The following CEP170 variants were observed in gnomAD, a reference collection of about 807,000 sequenced individuals.
The protein encoded by CEP170 is centrosomal protein of 170 kDa.
CEP170 carries 21 observed loss-of-function variants against 151.9 expected under a neutral mutation model. That is an observed-to-expected ratio of 0.14 (90% CI 0.10 to 0.20). The LOEUF (loss-of-function observed/expected upper bound fraction) is 0.20. CEP170 is among the 10% of genes least tolerant of loss of function. The pLI, the probability that CEP170 is intolerant of heterozygous loss-of-function variation, is 1.00. For missense variants in CEP170, 964 were observed against 1,892.9 expected (o/e 0.51, Z 9.11); for synonymous variants, 356 against 648.8 (o/e 0.55, Z 6.86).
chr1:243,159,124 T>C (rs2057828702), intron 13 of CEP170, among the ~76,000 whole-genome samples: 2 of 152,120 alleles, frequency 1.3e-5, no homozygotes, highest in African/African-American at 4.8e-5. Context: ...TTTTAAAAAG[T>C]AAAAGGTAAC....
Position 243,144,322 on chromosome 1 carries a change from G to A in CEP170, c.3912-1859C>T, listed in dbSNP as rs552806734. ...AAATGAGGCACAGGAGAAGACATGCGACCATTTTTTTGGCCAAGGTCACAC... is the reference window on the plus strand; with the variant it reads ...AAATGAGGCACAGGAGAAGACATGCAACCATTTTTTTGGCCAAGGTCACAC... On this transcript the variant is annotated intron_variant, in intron 14 of 19. Transcript: ENST00000366542. Among the ~76,000 whole-genome samples, 133 of 152,244 alleles carry A rather than the reference G, an allele frequency of 8.7e-4. No individual in the cohort carries two copies. The Middle Eastern group carries it at 0.01, about 12-fold the overall frequency.
intron 11 of CEP170, among the ~76,000 whole-genome samples, chr1:243,170,764 A>C (rs2058781667): frequency 6.6e-6 from 1 of 152,268 alleles, no homozygotes; most frequent in South Asian, 2.1e-4. Context: ...ACTGCACTCC[A>C]GCCTGGGTGA....
intron 1 of CEP170, among the ~76,000 whole-genome samples, chr1:243,248,886 G>A (rs902545083): frequency 3.3e-5 from 5 of 152,124 alleles, no homozygotes; most frequent in Non-Finnish European, 7.3e-5. Context: ...CAGCCACAGT[G>A]TTCTCCAAAT....
chr1:243,223,244 G>C (rs1297431041), intron 2 of CEP170, among the ~76,000 whole-genome samples: 10 of 152,072 alleles, frequency 6.6e-5, no homozygotes, highest in Non-Finnish European at 8.8e-5. Context: ...CTGAGGAAAA[G>C]AGTACATAGG....
chr1:243,232,098 G>A lies in CEP170; in HGVS notation c.-41-6777C>T, dbSNP rs184584485. ...CTCCCACCTCACCTTCTTGAGTAACGGGGACTACAGGTGTGCAGCACCACA... is the reference window on the plus strand; with the variant it reads ...CTCCCACCTCACCTTCTTGAGTAACAGGGACTACAGGTGTGCAGCACCACA... On this transcript the variant is annotated intron_variant, in intron 1 of 19. Transcript: ENST00000366542. Among the ~76,000 whole-genome samples the A allele has an allele frequency of 5.6e-4, 85 of 152,024 alleles. No homozygotes were observed. The East Asian group carries it at 6.6e-3, about 12-fold the overall frequency.
intron 11 of CEP170, among the ~76,000 whole-genome samples, chr1:243,171,513 T>C (rs2058843666): frequency 1.3e-5 from 2 of 152,174 alleles, no homozygotes; most frequent in South Asian, 4.1e-4. Context: ...TAATTTATAT[T>C]TGTATATTAC....
chr1:243,174,160 A>G (rs1039708609), intron 10 of CEP170, among the ~76,000 whole-genome samples: 23 of 152,114 alleles, frequency 1.5e-4, no homozygotes, highest in African/African-American at 5.3e-4. Context: ...CTTTTCTTTT[A>G]TGGGCAGGAC....
At chr1:243,161,741 T>C (rs925560211) in intron 13 of CEP170, among the ~76,000 whole-genome samples, 1 of 152,174 alleles carries the variant, frequency 6.6e-6, no homozygotes, top group Non-Finnish European at 1.5e-5. Context: ...GTTCAGATTA[T>C]TTCCAAGGTC....
chr1:243,238,364 T>G (rs2064457250), intron 1 of CEP170, among the ~76,000 whole-genome samples: 1 of 151,940 alleles, frequency 6.6e-6, no homozygotes, highest in Non-Finnish European at 1.5e-5. Flanking sequence ...GAGGCTGAGA[T>G]AGGAAGATCG....
intron 14 of CEP170, among the ~76,000 whole-genome samples, chr1:243,145,803 C>T (rs1457909968): frequency 6.6e-6 from 1 of 152,308 alleles, no homozygotes; most frequent in East Asian, 1.9e-4. Context: ...GAGATCATAA[C>T]TGTAATGACT....
chr1:243,170,623 G>A (rs1414146354), intron 11 of CEP170, among the ~76,000 whole-genome samples: 2 of 151,942 alleles, frequency 1.3e-5, no homozygotes, highest in South Asian at 2.1e-4. Context: ...GCGAAACCTC[G>A]TCTCTACGAA....
At chr1:243,247,525 T>C (rs890810600) in intron 1 of CEP170, among the ~76,000 whole-genome samples, 24 of 152,186 alleles carry the variant, frequency 1.6e-4, no homozygotes, top group Non-Finnish European at 7.4e-5. Flanking sequence ...GACTAATTTT[T>C]GTATTTTTAG....
intron 1 of CEP170, among the ~76,000 whole-genome samples, chr1:243,229,196 A>C (rs1024122528): frequency 6.6e-6 from 1 of 152,198 alleles, no homozygotes; most frequent in Non-Finnish European, 1.5e-5. Flanking sequence ...GGTTCCGCTA[A>C]ATGGTGGGAA....
chr1:243,248,035 T>C (rs919153773), intron 1 of CEP170, among the ~76,000 whole-genome samples: 2 of 152,230 alleles, frequency 1.3e-5, no homozygotes, highest in African/African-American at 4.8e-5. Flanking sequence ...GCCATACTCA[T>C]CCACGTAGGA....
chr1:243,151,970 C>G (rs575851308), intron 14 of CEP170, among the ~76,000 whole-genome samples: 3 of 152,222 alleles, frequency 2.0e-5, no homozygotes, highest in Admixed American at 2.0e-4. Flanking sequence ...GCTAAATCTA[C>G]TCTGCTTGTG....
intron 14 of CEP170, among the ~76,000 whole-genome samples, chr1:243,150,570 A>C (rs1024068389): frequency 7.2e-5 from 11 of 152,236 alleles, no homozygotes; most frequent in Non-Finnish European, 1.3e-4. Flanking sequence ...TGAACAAAGC[A>C]TTGGCTGGGA....
intron 14 of CEP170, among the ~76,000 whole-genome samples, chr1:243,150,557 A>G (rs2056966648): frequency 1.3e-5 from 2 of 152,228 alleles, no homozygotes; most frequent in Admixed American, 1.3e-4. Context: ...TTGGACGGAA[A>G]TTTGAACAAA....
At chr1:243,250,049 G>C (rs1039815416) in intron 1 of CEP170, among the ~76,000 whole-genome samples, 1 of 152,106 alleles carries the variant, frequency 6.6e-6, no homozygotes. Flanking sequence ...CCAGCCTGGC[G>C]AGAGAGCAAG....
chr1:243,243,164 C>T (rs927507660), intron 1 of CEP170, among the ~76,000 whole-genome samples: 4 of 152,032 alleles, frequency 2.6e-5, no homozygotes, highest in African/African-American at 7.3e-5. Flanking sequence ...TTTGGGGCTG[C>T]AGTAGGCTAT....
Sources: allele counts gnomAD v4.1 joint callset (sites outside exome capture counted in the v4.1 genomes callset), GRCh38; gene constraint gnomAD v4.1.1; transcripts MANE v1.5; gene names NCBI Gene and HGNC (gene_info 2026-07-23, HGNC 2026-07-21).